Variants in USP7 observed in about 807,000 individuals in gnomAD.
USP7 encodes the protein ubiquitin C-terminal hydrolase 7.
Under a neutral mutation model 162.9 loss-of-function variants are expected in USP7, and 9 were observed. The observed-to-expected ratio is 0.06, with a 90% confidence interval of 0.03 to 0.10. The LOEUF is 0.10. Among genes scored for constraint, USP7 ranks in the 10% least tolerant of loss-of-function variants. USP7 has a pLI of 1.00. For missense variants in USP7, 715 were observed against 1,373.7 expected (o/e 0.52, Z 7.58); for synonymous variants, 562 against 475.9 (o/e 1.18, Z -2.35).
chr16:8,896,278 C>A (rs370599240), intron 26 of USP7, among the ~76,000 whole-genome samples: 24 of 151,966 alleles, frequency 1.6e-4, no homozygotes, highest in African/African-American at 5.3e-4. Flanking sequence ...CATTTGGGCA[C>A]AGAGATGTAC....
chr16:8,921,016 A>G lies in USP7; in HGVS notation c.522+141T>C, dbSNP rs76368597. ...AACGTAAGATACGAAACTGGAGAAA[A>G]CATGTTTTCAAAGACACTTGTCCAA... On this transcript the variant is annotated intron_variant, in intron 4 of 30. Transcript: ENST00000344836. 8.5e-4 allele frequency: 816 copies of G among 959,794 alleles called. 6 individuals are homozygous for G. In the African/African-American group the frequency reaches 0.011, roughly 12 times the overall value. 59.5% of individuals were successfully genotyped at this position (959,794 alleles called of 1,614,324 possible).
At chr16:8,903,152 A>G in intron 16 of USP7, 116 bp downstream of exon 16, 4 of 1,359,670 alleles carry the variant, frequency 2.9e-6, no homozygotes, top group Admixed American at 2.2e-5. Flanking sequence ...CCTCACTGTT[A>G]GGCAGTGGCT....
intron 13 of USP7, among the ~76,000 whole-genome samples, chr16:8,905,839 G>T (rs1273743229): frequency 2.0e-5 from 3 of 152,222 alleles, no homozygotes; most frequent in Admixed American, 2.0e-4. Flanking sequence ...CTGCGTTGTG[G>T]ATGCAGCCAC....
chr16:8,911,556 G>A (rs549463464), intron 10 of USP7, among the ~76,000 whole-genome samples: 7 of 152,296 alleles, frequency 4.6e-5, no homozygotes, highest in East Asian at 1.9e-4. Flanking sequence ...GTCACGCTCC[G>A]GACACATGCG....
intron 2 of USP7, among the ~76,000 whole-genome samples, chr16:8,925,295 A>G (rs1657084): frequency 1 from 151,622 of 152,310 alleles, 75,472 homozygotes; most frequent in South Asian, 1. Context: ...CACACAAAAC[A>G]CAGGCCTCAA....
intron 2 of USP7, chr16:8,929,541 C>A (rs758993686): frequency 2.6e-5 from 12 of 456,046 alleles, no homozygotes; most frequent in South Asian, 1.5e-4. Flanking sequence ...CCCCGTTACT[C>A]CCCTGGGAAG....
intron 10 of USP7, among the ~76,000 whole-genome samples, chr16:8,911,762 G>C (rs1567218276): frequency 6.6e-6 from 1 of 152,232 alleles, no homozygotes; most frequent in Admixed American, 6.5e-5. Context: ...AGCGAGATCT[G>C]GGGATGTGCA....
chr16:8,953,599 C>G (rs918935111), intron 1 of USP7, among the ~76,000 whole-genome samples: 859 of 46,286 alleles, frequency 0.019, 27 homozygotes, highest in African/African-American at 0.054. Flanking sequence ...GCGGCGCCAC[C>G]GGAAGCAGAG....
chr16:8,954,946 G>A (rs544027642), intron 1 of USP7, among the ~76,000 whole-genome samples: 8 of 152,122 alleles, frequency 5.3e-5, no homozygotes, highest in Admixed American at 1.3e-4. Flanking sequence ...ACAACAGAGC[G>A]AGACTCCATC....
At chr16:8,898,465 G>A in intron 24 of USP7, 28 bp from the exon 25 acceptor site, 1 of 1,607,992 alleles carries the variant, frequency 6.2e-7, no homozygotes. Flanking sequence ...ATTCACATCA[G>A]ATACCGTCAC....
chr16:8,925,581 G>C (rs1261622955), intron 2 of USP7, among the ~76,000 whole-genome samples: 9 of 152,122 alleles, frequency 5.9e-5, no homozygotes, highest in African/African-American at 2.2e-4. Flanking sequence ...CCAAACAATG[G>C]TGAGACTCAG....
In USP7 at chr16:8,930,206, T is replaced by G. The variant is rs1237444219; in HGVS notation, c.184+87A>C. On this transcript the variant is annotated intron_variant, in intron 2 of 30. Transcript: ENST00000344836. ...AGCTACGCTCAGAAGTACCCAAGGATGTACCCAAGAAGTACCAAGCATGGA... is the reference window on the plus strand; with the variant it reads ...AGCTACGCTCAGAAGTACCCAAGGAGGTACCCAAGAAGTACCAAGCATGGA... The G allele has an allele frequency of 3.0e-6, 3 of 1,004,842 alleles. No homozygotes were observed. The East Asian group carries it at 7.6e-5, about 25-fold the overall frequency. The allele number at this position is 1,004,842 out of a possible 1,614,324, so 62.2% of individuals were successfully genotyped here.
At chr16:8,897,311 G>A (rs1382060182) in intron 25 of USP7, 3 of 515,504 alleles carry the variant, frequency 5.8e-6, no homozygotes, top group South Asian at 2.7e-5. Flanking sequence ...AATACTGACG[G>A]GAGGTTAACA....
At chr16:8,904,285 G>C in intron 15 of USP7, 150 bp downstream of exon 15, 2 of 1,382,052 alleles carry the variant, frequency 1.4e-6, no homozygotes, top group Non-Finnish European at 1.9e-6. Flanking sequence ...CAGAGGAGTG[G>C]GGACTGACCT....
Position 8,931,456 on chromosome 16 carries a change from G to A in USP7, c.80-1059C>T, listed in dbSNP as rs558056121. Among the ~76,000 whole-genome samples, 3 of 152,258 alleles carry A rather than the reference G, an allele frequency of 2.0e-5. No individual in the cohort carries two copies. The East Asian group carries it at 5.8e-4, about 29-fold the overall frequency. ...CCTGCCTTGGCCTCCCAAAGTGCTG[G>A]GATCACCCACCCATGCCAGTGTCTT... is the stretch of plus-strand genomic sequence containing the variant. On this transcript the variant is annotated intron_variant, in intron 1 of 30. Coordinates refer to ENST00000344836, the MANE Select transcript of USP7 (RefSeq NM_003470.3).
rs903262846 is a variant in USP7 at position 8,939,288 on chromosome 16, G to A, written c.80-8891C>T. ...GCGTGCGTGCTCCCCCATTATCCCC[G>A]GCAACCCTCATATGTTCTGCATCTC... On this transcript the variant is annotated intron_variant, in intron 1 of 30. Coordinates refer to ENST00000344836, the MANE Select transcript of USP7 (RefSeq NM_003470.3). Among the ~76,000 whole-genome samples, 4 of 152,088 alleles carry A rather than the reference G, an allele frequency of 2.6e-5. No homozygotes were observed. The South Asian group carries it at 6.2e-4, about 24-fold the overall frequency.
At chr16:8,905,986 C>A (rs2061853961) in intron 13 of USP7, among the ~76,000 whole-genome samples, 1 of 152,108 alleles carries the variant, frequency 6.6e-6, no homozygotes, top group South Asian at 2.1e-4. Flanking sequence ...AGACCCTCAT[C>A]TGCCAAATGA....
At chr16:8,956,780 A>C (rs11865642) in intron 1 of USP7, among the ~76,000 whole-genome samples, 36,871 of 149,146 alleles carry the variant, frequency 0.25, 5,364 homozygotes, top group African/African-American at 0.41. Context: ...CAAAAACAAA[A>C]AAAAAAAAAC....
chr16:8,944,195 T>TA (rs1899178262), intron 1 of USP7, among the ~76,000 whole-genome samples: 1 of 149,702 alleles, frequency 6.7e-6, no homozygotes, highest in Non-Finnish European at 1.5e-5. Context: ...GCATTACTCT[T>TA]AAAACAAAAG....
Sources: gnomAD v4.1 joint callset for allele counts (sites outside exome capture counted in the v4.1 genomes callset) on GRCh38, gnomAD v4.1.1 for gene constraint, MANE v1.5 for transcripts, NCBI Gene and HGNC (gene_info 2026-07-23, HGNC 2026-07-21) for gene names.